COX10: variants seen among roughly 807,000 people sequenced by gnomAD.
The protein encoded by COX10 is cytochrome c oxidase assembly factor heme A:farnesyltransferase COX10.
Under a neutral mutation model 37.3 loss-of-function variants are expected in COX10, and 27 were observed. The observed-to-expected ratio is 0.72, with a 90% CI of 0.53 to 1.00. The LOEUF is 1.00. Ranked by LOEUF, COX10 falls within the 50% of genes least tolerant of loss-of-function variation. The pLI is 0.00. For missense variants in COX10, 475 were observed against 563.2 expected (o/e 0.84, Z 1.59); for synonymous variants, 222 against 229.1 (o/e 0.97, Z 0.28).
At chr17:14,118,492 T>C (rs1041959969) in intron 4 of COX10, among the ~76,000 whole-genome samples, 6 of 152,184 alleles carry the variant, frequency 3.9e-5, no homozygotes, top group African/African-American at 1.4e-4. Context: ...TCTGCCTATG[T>C]ATTTGTATAA....
chr17:14,183,159 C>T (rs1164386583), intron 5 of COX10, among the ~76,000 whole-genome samples: 2 of 149,796 alleles, frequency 1.3e-5, no homozygotes, highest in African/African-American at 4.9e-5. Context: ...AAATCTCAAG[C>T]AGTGATGCTC....
chr17:14,118,326 ATTTAC>A (rs1389400830), intron 4 of COX10, among the ~76,000 whole-genome samples: 1 of 151,794 alleles, frequency 6.6e-6, no homozygotes, highest in Non-Finnish European at 1.5e-5. Context: ...CATCTCTATT[ATTTAC>A]TTTAATGTCT....
At chr17:14,165,004 T>C (rs1450396977) in intron 5 of COX10, among the ~76,000 whole-genome samples, 2 of 152,228 alleles carry the variant, frequency 1.3e-5, no homozygotes, top group East Asian at 1.9e-4. Context: ...CCTCTTTCCC[T>C]TTCAACAATG....
intron 3 of COX10, among the ~76,000 whole-genome samples, chr17:14,082,260 A>G (rs1915313254): frequency 6.6e-6 from 1 of 152,152 alleles, no homozygotes; most frequent in African/African-American, 2.4e-5. Flanking sequence ...CACAGAAGCC[A>G]AAAGAATAGA....
intron 5 of COX10, among the ~76,000 whole-genome samples, chr17:14,161,923 A>G (rs1905177725): frequency 6.6e-6 from 1 of 152,196 alleles, no homozygotes. Flanking sequence ...ATATATCTAT[A>G]TACACATCCT....
chr17:14,097,677 A>G (rs56040410), intron 3 of COX10, among the ~76,000 whole-genome samples: 17,034 of 152,122 alleles, frequency 0.11, 1,235 homozygotes, highest in Middle Eastern at 0.18. Context: ...TACCCTTTTC[A>G]ATTTTAAACA....
In COX10 at chr17:14,197,506, C is replaced by T. The variant is rs890142034; in HGVS notation, c.928+5285C>T. ...AGAACTTCTAATTGTTCTAGATGCC[C>T]GGTGAGAGGTGTGGGTCCCACATAG... On this transcript the variant is annotated intron_variant, in intron 6 of 6. Transcript: ENST00000261643. 4.6e-5 allele frequency among the ~76,000 whole-genome samples: 7 copies of T among 152,158 alleles called. No homozygotes were observed. The South Asian group carries it at 1.0e-3, about 23-fold the overall frequency.
intron 4 of COX10, among the ~76,000 whole-genome samples, chr17:14,156,160 T>C (rs1479094829): frequency 1.3e-5 from 2 of 152,190 alleles, no homozygotes; most frequent in Non-Finnish European, 2.9e-5. Context: ...AGTGATATAT[T>C]ATTATTTTTG....
At chr17:14,091,627 A>T (rs1915530067) in intron 3 of COX10, among the ~76,000 whole-genome samples, 1 of 152,218 alleles carries the variant, frequency 6.6e-6, no homozygotes, top group Non-Finnish European at 1.5e-5. Flanking sequence ...CATCCTGAGT[A>T]GGCATTCTAA....
intron 5 of COX10, among the ~76,000 whole-genome samples, chr17:14,167,785 G>A (rs988685755): frequency 7.2e-5 from 11 of 152,296 alleles, no homozygotes; most frequent in South Asian, 2.1e-4. Flanking sequence ...AACCACACCC[G>A]TGATCCAACC....
chr17:14,071,089 A>C (rs1915012667), intron 1 of COX10, among the ~76,000 whole-genome samples: 1 of 152,154 alleles, frequency 6.6e-6, no homozygotes. Context: ...ACCATACCTG[A>C]CTGTGAATGT....
At chr17:14,144,167 C>T (rs1904639044) in intron 4 of COX10, among the ~76,000 whole-genome samples, 2 of 151,994 alleles carry the variant, frequency 1.3e-5, no homozygotes, top group Admixed American at 6.6e-5. Context: ...TGTGTTTGGA[C>T]CTCTGTAGAT....
At chr17:14,154,006 G>A (rs186954745) in intron 4 of COX10, among the ~76,000 whole-genome samples, 4 of 152,156 alleles carry the variant, frequency 2.6e-5, no homozygotes, top group East Asian at 3.9e-4. Flanking sequence ...GTTATTATTC[G>A]GAGTGTAAAA....
intron 4 of COX10, among the ~76,000 whole-genome samples, chr17:14,137,710 T>A (rs1904415121): frequency 6.6e-6 from 1 of 151,912 alleles, no homozygotes; most frequent in Admixed American, 6.6e-5. Flanking sequence ...CTAATACAAA[T>A]CCCTTTAAAA....
rs192993731 is a variant in COX10, at chr17:14,100,624, C to T, written c.500-1494C>T. 6.6e-5 allele frequency among the ~76,000 whole-genome samples: 10 copies of T among 152,224 alleles called. No homozygotes were observed. In the East Asian group the frequency reaches 1.5e-3, roughly 24 times the overall value. On this transcript the variant is annotated intron_variant, in intron 3 of 6. Coordinates refer to ENST00000261643, the MANE Select transcript of COX10 (RefSeq NM_001303.4). ...AATGCTCAAAGAATAGAAGAAGTCT[C>T]ATGAATGGATAATAGTGATTGAGCT...
At chr17:14,172,123 C>G (rs1190648992) in intron 5 of COX10, among the ~76,000 whole-genome samples, 1 of 152,116 alleles carries the variant, frequency 6.6e-6, no homozygotes, top group East Asian at 1.9e-4. Context: ...TTCCACTCAA[C>G]TGGCAGATAG....
intron 4 of COX10, among the ~76,000 whole-genome samples, chr17:14,137,044 G>T: frequency 6.6e-6 from 1 of 151,778 alleles, no homozygotes. Context: ...ATGTTTTTAG[G>T]TGGTGTGTTT....
At chr17:14,190,134 T>A (rs1906155736) in intron 5 of COX10, among the ~76,000 whole-genome samples, 2 of 152,032 alleles carry the variant, frequency 1.3e-5, no homozygotes, top group Admixed American at 6.6e-5. Context: ...GGAGCTAGAG[T>A]GAACCTAGAG....
At chr17:14,113,137 G>GTCAT (rs1381232062) in intron 4 of COX10, among the ~76,000 whole-genome samples, 2 of 152,092 alleles carry the variant, frequency 1.3e-5, no homozygotes, top group African/African-American at 4.8e-5. Flanking sequence ...CAGCTAAAAC[G>GTCAT]TCATTCATTC....
Sources: gnomAD v4.1 joint callset for allele counts (sites outside exome capture counted in the v4.1 genomes callset) on GRCh38, gnomAD v4.1.1 for gene constraint, MANE v1.5 for transcripts, NCBI Gene and HGNC (gene_info 2026-07-23, HGNC 2026-07-21) for gene names.